Variants in PCDH11X observed in about 807,000 individuals in gnomAD.
PCDH11X encodes protocadherin 11 X-linked.
A neutral mutation model predicts 53.3 loss-of-function variants in PCDH11X; 18 were observed. That is an observed-to-expected ratio of 0.34 (90% CI 0.23 to 0.50). The LOEUF is 0.50. Ranked by LOEUF, PCDH11X falls within the 20% of genes least tolerant of loss-of-function variation. PCDH11X has a pLI of 0.98. For synonymous variants in PCDH11X, 279 were observed against 393.3 expected (o/e 0.71, Z 3.44); for missense variants, 570 against 1,032.4 (o/e 0.55, Z 6.14).
intron 6 of PCDH11X, among the ~76,000 whole-genome samples, chrX:92,096,105 T>A (rs2064129546): frequency 8.9e-6 from 1 of 112,014 alleles, no homozygotes; most frequent in Admixed American, 9.5e-5. Flanking sequence ...AAAGACAAGA[T>A]GTTTCCCTTA....
At chrX:92,180,764 C>T (rs773330078) in intron 6 of PCDH11X, among the ~76,000 whole-genome samples, 11 of 111,861 alleles carry the variant, frequency 9.8e-5, no homozygotes, top group Middle Eastern at 4.6e-3. Context: ...TCGCTCTTTG[C>T]GAACTGTGAT....
At chrX:91,823,962 G>T (rs1936803419) in intron 4 of PCDH11X, among the ~76,000 whole-genome samples, 1 of 110,338 alleles carries the variant, frequency 9.1e-6, no homozygotes, top group African/African-American at 3.3e-5. Flanking sequence ...ATGAAATTCT[G>T]GGTTGAAAAT....
At chrX:92,597,580 AT>A (rs904820554) in intron 10 of PCDH11X, among the ~76,000 whole-genome samples, 2 of 111,698 alleles carry the variant, frequency 1.8e-5, no homozygotes, top group African/African-American at 3.2e-5. Context: ...AAAAATTAAT[AT>A]TTTTTTAAAT....
chrX:92,607,062 A>C (rs1214450054), intron 10 of PCDH11X, among the ~76,000 whole-genome samples: 1 of 111,579 alleles, frequency 9.0e-6, no homozygotes, highest in East Asian at 2.8e-4. Context: ...ACATTCATGC[A>C]TTTCTGATGT....
At chrX:92,193,516 A>T (rs2066237368) in intron 6 of PCDH11X, among the ~76,000 whole-genome samples, 1 of 111,416 alleles carries the variant, frequency 9.0e-6, no homozygotes, top group Admixed American at 9.6e-5. Flanking sequence ...AGAACATTAT[A>T]ATTTTTTACT....
chrX:92,340,928 G>A (rs777354502), intron 8 of PCDH11X, among the ~76,000 whole-genome samples: 45 of 111,468 alleles, frequency 4.0e-4, no homozygotes, highest in African/African-American at 1.2e-3. Context: ...TTTATGCTCC[G>A]CCTCCCCATT....
chrX:91,904,043 C>A (rs1446983100), intron 6 of PCDH11X, among the ~76,000 whole-genome samples: 1 of 109,625 alleles, frequency 9.1e-6, no homozygotes, highest in African/African-American at 3.3e-5. Context: ...AGATGGAGAA[C>A]AAATGTGTAG....
At chrX:92,002,412 AT>A (rs761403355) in intron 6 of PCDH11X, among the ~76,000 whole-genome samples, 1 of 109,357 alleles carries the variant, frequency 9.1e-6, no homozygotes, top group African/African-American at 3.3e-5. Flanking sequence ...TAATTTTAGG[AT>A]TTTTTTTTCT....
chrX:92,011,585 A>T (rs1033778605), intron 6 of PCDH11X, among the ~76,000 whole-genome samples: 3 of 111,858 alleles, frequency 2.7e-5, no homozygotes, highest in African/African-American at 9.7e-5. Flanking sequence ...TACAAGAAGT[A>T]TAGAAAAGAA....
intron 10 of PCDH11X, among the ~76,000 whole-genome samples, chrX:92,607,599 A>G (rs1399076301): frequency 8.9e-6 from 1 of 111,847 alleles, no homozygotes; most frequent in East Asian, 2.8e-4. Flanking sequence ...TAAATGGGTG[A>G]ATTTGAAGAT....
At chrX:92,443,179 G>A (rs1372672081) in intron 9 of PCDH11X, among the ~76,000 whole-genome samples, 3 of 110,758 alleles carry the variant, frequency 2.7e-5, no homozygotes, top group Non-Finnish European at 3.8e-5. Context: ...GTGATATGGA[G>A]CATTTTTTCC....
intron 6 of PCDH11X, among the ~76,000 whole-genome samples, chrX:91,962,930 A>C (rs1179971966): frequency 1.8e-5 from 2 of 110,736 alleles, no homozygotes; most frequent in Non-Finnish European, 3.8e-5. Context: ...GCTGGGACAC[A>C]GGGCATCAAG....
intron 6 of PCDH11X, among the ~76,000 whole-genome samples, chrX:92,087,415 T>C (rs747650937): frequency 9.1e-6 from 1 of 109,788 alleles, no homozygotes; most frequent in South Asian, 4.1e-4. Context: ...GTAAGTTGTT[T>C]GGCATGAGGC....
At chrX:92,226,503 G>A (rs1021340537) in intron 7 of PCDH11X, among the ~76,000 whole-genome samples, 8 of 111,683 alleles carry the variant, frequency 7.2e-5, no homozygotes, top group Non-Finnish European at 1.5e-4. Flanking sequence ...TTTCTTTACG[G>A]CCAGTTCTTA....
At chrX:92,293,444 G>A (rs1214858657) in intron 8 of PCDH11X, among the ~76,000 whole-genome samples, 1 of 109,310 alleles carries the variant, frequency 9.1e-6, no homozygotes, top group Non-Finnish European at 1.9e-5. Context: ...CTAACACAGT[G>A]AAACCCCGCC....
chrX:92,445,252 G>T (rs1278500762), intron 9 of PCDH11X, among the ~76,000 whole-genome samples: 1 of 56,152 alleles, frequency 1.8e-5, no homozygotes, highest in East Asian at 6.7e-4. Context: ...TTCAATTTTG[G>T]AACTTGATGT....
At chrX:92,525,752 A>G (rs898768233) in intron 10 of PCDH11X, among the ~76,000 whole-genome samples, 11 of 111,500 alleles carry the variant, frequency 9.9e-5, no homozygotes, top group Admixed American at 1.9e-4. Context: ...AAATATTATA[A>G]CGATATCCTT....
chrX:91,822,011 C>A (rs2147585889), intron 4 of PCDH11X, among the ~76,000 whole-genome samples: 1 of 104,983 alleles, frequency 9.5e-6, no homozygotes, highest in Non-Finnish European at 1.9e-5. Context: ...GCCTTGCATC[C>A]CAGGGATGAA....
chrX:91,983,208 C>T (rs143003387), intron 6 of PCDH11X: 9,224 of 804,494 alleles, frequency 0.011, 100 homozygotes, highest in African/African-American at 0.047. Context: ...AAGGATGAAT[C>T]GAAGGTCAGC....
Sources: allele counts gnomAD v4.1 joint callset (sites outside exome capture counted in the v4.1 genomes callset), GRCh38; gene constraint gnomAD v4.1.1; transcripts MANE v1.5; gene names NCBI Gene and HGNC (gene_info 2026-07-23, HGNC 2026-07-21).